The following DUSP16 variants were observed in gnomAD, a reference collection of about 807,000 sequenced individuals.
The protein encoded by DUSP16 is dual specificity protein phosphatase 16.
DUSP16 carries 21 observed loss-of-function variants against 58.3 expected under a neutral mutation model. That is an observed-to-expected ratio of 0.36 (90% CI 0.26 to 0.52). The LOEUF (loss-of-function observed/expected upper bound fraction) is 0.52, where lower values mean the gene tolerates loss of function less well. DUSP16 is among the 20% of genes least tolerant of loss of function. The probability of loss-of-function intolerance (pLI) is 0.94; values close to 1 mark genes in which losing one functional copy is unlikely to be tolerated. For synonymous variants in DUSP16, 320 were observed against 323.8 expected, an observed-to-expected ratio of 0.99 and a Z score of 0.12; for missense variants, 726 against 819.0, an observed-to-expected ratio of 0.89 and a Z score of 1.39.
rs1943895387 is a variant in DUSP16, at chr12:12,500,658, C to A, written c.392G>T (p.Cys131Phe). 1 of 1,598,298 alleles carries A rather than the reference C, an allele frequency of 6.3e-7. No homozygotes were observed. The highest frequency in any genetic ancestry group is 1.8e-5 in the Admixed American group (1 of 56,446). ...LAGGFAEFSRCFPGLCEGKST... is the reference protein window; with the variant it reads ...LAGGFAEFSRFFPGLCEGKST... ...TTTTCCTTCACAGAGGCCAGGGAAACAACGAGAGAACTCAGCAAACCCACC... is the reference window on the plus strand; with the variant it reads ...TTTTCCTTCACAGAGGCCAGGGAAAAAACGAGAGAACTCAGCAAACCCACC... The change falls in exon 4 of 7, where the codon TGT becomes TTT. Residue 131 changes from cysteine (C) to phenylalanine (F), a missense_variant. By Grantham distance (205) the Cys-to-Phe change is radical (BLOSUM62 -2). Transcript: ENST00000298573.
rs559939213 is a variant in DUSP16, at chr12:12,548,242, G to C, written c.-366+13875C>G. On this transcript the variant is annotated intron_variant, in intron 1 of 6. Transcript: ENST00000298573. ...TTTCTCCCAAGATGATATATAAATG[G>C]CCAACTATTTGAAAAGATGCTGAAC... 5.1e-4 allele frequency among the ~76,000 whole-genome samples: 78 copies of C among 152,218 alleles called. 1 individual carries two copies. Among genetic ancestry groups the C allele is most frequent in the Admixed American group, 2.6e-4 (4 of 15,272 alleles).
intron 1 of DUSP16, among the ~76,000 whole-genome samples, chr12:12,554,127 G>A (rs538552860): frequency 1.4e-5 from 2 of 145,226 alleles, no homozygotes; most frequent in East Asian, 2.1e-4. Context: ...AACCCAGGAG[G>A]CAGAGATTGC....
At chr12:12,492,346 T>C (rs770390182) in intron 4 of DUSP16, among the ~76,000 whole-genome samples, 1 of 152,202 alleles carries the variant, frequency 6.6e-6, no homozygotes, top group Non-Finnish European at 1.5e-5. Flanking sequence ...AGAGGCAAAT[T>C]TTGATAGACT....
At chr12:12,547,988 C>T (rs2136262164) in intron 1 of DUSP16, among the ~76,000 whole-genome samples, 1 of 152,274 alleles carries the variant, frequency 6.6e-6, no homozygotes, top group Non-Finnish European at 1.5e-5. Flanking sequence ...CCCTCCAAAT[C>T]CTCTTTGGAG....
rs548293909 is a variant in DUSP16, at chr12:12,519,856, C to T, written c.367+6G>A. On this transcript the variant is annotated splice_donor_region_variant and intron_variant, in intron 3 of 6. Coordinates refer to ENST00000298573, the MANE Select transcript of DUSP16 (RefSeq NM_030640.3). ...TGAGTCCTTTTAATTCCATCACGAG[C>T]CTTACCTGCAAGCAGGTGAACAGAG... The T allele has an allele frequency of 5.0e-6, 8 of 1,613,780 alleles. No individual in the cohort carries two copies. The highest frequency in any genetic ancestry group is 6.8e-6 in the Non-Finnish European group (8 of 1,179,874).
At chr12:12,558,547 G>C (rs1434717276) in intron 1 of DUSP16, among the ~76,000 whole-genome samples, 1 of 152,012 alleles carries the variant, frequency 6.6e-6, no homozygotes, top group Non-Finnish European at 1.5e-5. Context: ...ACCATACCTA[G>C]CTAATTTTTT....
chr12:12,537,218 G>A (rs1172808762), intron 1 of DUSP16, among the ~76,000 whole-genome samples: 2 of 152,040 alleles, frequency 1.3e-5, no homozygotes, highest in Non-Finnish European at 2.9e-5. Flanking sequence ...CTCATGTCAT[G>A]TCATGAAAAA....
chr12:12,556,231 C>T (rs1405622230), intron 1 of DUSP16, among the ~76,000 whole-genome samples: 2 of 152,044 alleles, frequency 1.3e-5, no homozygotes, highest in African/African-American at 4.8e-5. Flanking sequence ...TTAATATCAA[C>T]ACTTTTTAAA....
intron 3 of DUSP16, among the ~76,000 whole-genome samples, chr12:12,518,314 G>A (rs1237505387): frequency 6.6e-6 from 1 of 152,106 alleles, no homozygotes. Flanking sequence ...CAAAGTTCGA[G>A]ACCAGACTGG....
intron 1 of DUSP16, among the ~76,000 whole-genome samples, chr12:12,535,652 T>C (rs1944452897): frequency 6.6e-6 from 1 of 152,208 alleles, no homozygotes; most frequent in African/African-American, 2.4e-5. Flanking sequence ...TGATGGCAAG[T>C]CCTTGATATT....
intron 1 of DUSP16, among the ~76,000 whole-genome samples, chr12:12,535,593 G>C (rs912377169): frequency 1.3e-5 from 2 of 152,096 alleles, no homozygotes; most frequent in Non-Finnish European, 2.9e-5. Context: ...CAATATGTCA[G>C]TGTTGAAGTT....
rs550193548 is a variant in DUSP16 at position 12,555,228 on chromosome 12, T to C, written c.-366+6889A>G. The stretch of plus-strand genomic sequence containing the variant: ...AGAAGAAGTCAGGTCAGCCACAGGG[T>C]CAAAGCTGGAGGTGAGGTCAGAGAC... On this transcript the variant is annotated intron_variant, in intron 1 of 6. Coordinates refer to ENST00000298573, the MANE Select transcript of DUSP16 (RefSeq NM_030640.3). Among the ~76,000 whole-genome samples, 37 of 152,252 alleles carry C rather than the reference T, an allele frequency of 2.4e-4. 1 individual carries two copies. Among genetic ancestry groups the C allele is most frequent in the Admixed American group, 6.5e-5 (1 of 15,292 alleles).
At chr12:12,495,101 A>G (rs1164533859) in intron 4 of DUSP16, among the ~76,000 whole-genome samples, 2 of 152,152 alleles carry the variant, frequency 1.3e-5, no homozygotes, top group Admixed American at 6.5e-5. Flanking sequence ...TATTTTGTAA[A>G]GCCAGTATGA....
At position 12,476,595 on chromosome 12, in the gene DUSP16, G is replaced by A. The variant is rs536500522; in HGVS notation, c.*238C>T. On this transcript the variant is annotated 3_prime_UTR_variant, in exon 7 of 7. Transcript: ENST00000298573. ...TCACTGAATAAAATGGTTTTCCTCC[G>A]TCTAGGGGGGATTCTAGCATCTGCC... The A allele has an allele frequency of 2.7e-4, 123 of 453,902 alleles. 1 individual carries two copies. The highest frequency in any genetic ancestry group is 3.9e-4 in the Non-Finnish European group (101 of 259,376). 28.1% of individuals were successfully genotyped at this position (453,902 alleles called of 1,614,324 possible).
rs1943391771 is a variant in DUSP16, at chr12:12,474,815, A to G, written c.*2018T>C. The stretch of plus-strand genomic sequence containing the variant: ...CATGACCACACTCTGGAAGTGGTGA[A>G]CTGTTACACATTTGGTGTGTGTGTA... On this transcript the variant is annotated 3_prime_UTR_variant, in exon 7 of 7. Transcript: ENST00000298573. 6.6e-6 allele frequency: 1 copy of G among 152,232 alleles called. No homozygotes were observed. Among genetic ancestry groups the G allele is most frequent in the Non-Finnish European group, 1.5e-5 (1 of 68,034 alleles). 9.4% of individuals were successfully genotyped at this position (152,232 alleles called of 1,614,324 possible).
At chr12:12,523,981 C>G (rs1944269552) in intron 1 of DUSP16, among the ~76,000 whole-genome samples, 1 of 152,184 alleles carries the variant, frequency 6.6e-6, no homozygotes, top group African/African-American at 2.4e-5. Flanking sequence ...TGATTGGCTC[C>G]TCTCAAAGAG....
chr12:12,544,014 A>G (rs184064250), intron 1 of DUSP16, among the ~76,000 whole-genome samples: 1 of 152,258 alleles, frequency 6.6e-6, no homozygotes, highest in East Asian at 1.9e-4. Context: ...TATAACATAT[A>G]TGCCAATAAG....
At chr12:12,552,537 AC>A (rs906678673) in intron 1 of DUSP16, among the ~76,000 whole-genome samples, 19 of 152,148 alleles carry the variant, frequency 1.2e-4, no homozygotes, top group Non-Finnish European at 1.9e-4. Context: ...CTATGAAAAT[AC>A]CCCACCCTTC....
At chr12:12,515,976 A>T (rs1346773285) in intron 3 of DUSP16, among the ~76,000 whole-genome samples, 1 of 151,662 alleles carries the variant, frequency 6.6e-6, no homozygotes, top group African/African-American at 2.4e-5. Context: ...GGGTTTTGCC[A>T]TGTTGGCCAG....
Sources: allele counts gnomAD v4.1 joint callset (sites outside exome capture counted in the v4.1 genomes callset), GRCh38; gene constraint gnomAD v4.1.1; transcripts MANE v1.5; gene names NCBI Gene and HGNC (gene_info 2026-07-23, HGNC 2026-07-21).